The following DMD variants were observed in gnomAD, a reference collection of about 807,000 sequenced individuals.
The protein encoded by DMD is dystrophin.
DMD carries 63 observed loss-of-function variants against 330.1 expected under a neutral mutation model. That is an observed-to-expected ratio of 0.19 (90% CI 0.16 to 0.24). The LOEUF (loss-of-function observed/expected upper bound fraction) is 0.24. DMD is among the 10% of genes least tolerant of loss of function. The pLI, the probability that DMD is intolerant of heterozygous loss-of-function variation, is 1.00. For synonymous variants in DMD, 1,223 were observed against 959.8 expected (o/e 1.27, Z -5.07); for missense variants, 3,344 against 2,684.1 (o/e 1.25, Z -5.43).
chrX:31,642,351 C>T (rs1603435109), intron 54 of DMD, among the ~76,000 whole-genome samples: 1 of 111,885 alleles, frequency 8.9e-6, no homozygotes, highest in East Asian at 2.8e-4. Flanking sequence ...AAATAGAAAT[C>T]CTTTGAGTGA....
intron 44 of DMD, among the ~76,000 whole-genome samples, chrX:32,161,921 G>A (rs1434802171): frequency 8.9e-6 from 1 of 111,937 alleles, no homozygotes; most frequent in African/African-American, 3.3e-5. Flanking sequence ...TAAGTTCGGT[G>A]AAATAACTTG....
At chrX:33,061,361 T>G (rs909252334) in intron 1 of DMD, among the ~76,000 whole-genome samples, 1 of 111,998 alleles carries the variant, frequency 8.9e-6, no homozygotes, top group Admixed American at 9.6e-5. Context: ...TATGCAGATT[T>G]TAAGTGGTGG....
chrX:31,477,007 A>G (rs900611286), intron 59 of DMD, among the ~76,000 whole-genome samples: 22 of 111,639 alleles, frequency 2.0e-4, no homozygotes, highest in African/African-American at 7.2e-4. Flanking sequence ...AATAGGAAAC[A>G]GGAAAAAAAA....
intron 41 of DMD, among the ~76,000 whole-genome samples, chrX:32,312,941 C>CAAAAAAAAAAAAAAA (rs1171543953): frequency 6.3e-4 from 12 of 19,197 alleles, no homozygotes; most frequent in Non-Finnish European, 1.2e-3. Flanking sequence ...AGCCTACGAA[C>CAAAAAAAAAAAAAAA]CAAAAAAAAA....
At chrX:33,028,537 C>G (rs1228032077) in intron 1 of DMD, among the ~76,000 whole-genome samples, 1 of 111,838 alleles carries the variant, frequency 8.9e-6, no homozygotes, top group East Asian at 2.8e-4. Flanking sequence ...ACCAGGTCTG[C>G]CTTAGTCACA....
At chrX:32,858,861 A>G (rs1202635585) in intron 2 of DMD, among the ~76,000 whole-genome samples, 1 of 111,292 alleles carries the variant, frequency 9.0e-6, no homozygotes, top group Non-Finnish European at 1.9e-5. Context: ...CTATAGAATT[A>G]TAGATACTAT....
At chrX:31,703,864 T>C (rs1402647916) in intron 52 of DMD, among the ~76,000 whole-genome samples, 1 of 111,339 alleles carries the variant, frequency 9.0e-6, no homozygotes, top group Non-Finnish European at 1.9e-5. Flanking sequence ...TCATTTAACA[T>C]ACATACTATA....
chrX:31,378,156 A>G (rs1020948863), intron 60 of DMD, among the ~76,000 whole-genome samples: 1 of 111,432 alleles, frequency 9.0e-6, no homozygotes, highest in Non-Finnish European at 1.9e-5. Context: ...TGGTCTCTTC[A>G]CACGGACGCG....
chrX:31,149,832 C>G (rs757760804), intron 74 of DMD, among the ~76,000 whole-genome samples: 93 of 111,738 alleles, frequency 8.3e-4, no homozygotes, highest in African/African-American at 2.8e-3. Flanking sequence ...TAACTTAACC[C>G]ATAGTCATTT....
chrX:31,202,602 A>G (rs1288387338), intron 67 of DMD, among the ~76,000 whole-genome samples: 1 of 112,135 alleles, frequency 8.9e-6, no homozygotes, highest in Non-Finnish European at 1.9e-5. Flanking sequence ...TCTGCCCAGG[A>G]AACCTTCTAT....
intron 16 of DMD, among the ~76,000 whole-genome samples, chrX:32,558,585 C>A (rs2050591488): frequency 9.0e-6 from 1 of 111,188 alleles, no homozygotes; most frequent in Non-Finnish European, 1.9e-5. Context: ...TTTTAGCTGC[C>A]TTTCCAGTGG....
At chrX:31,282,251 T>C (rs944110906) in intron 62 of DMD, among the ~76,000 whole-genome samples, 3 of 112,059 alleles carry the variant, frequency 2.7e-5, no homozygotes, top group Non-Finnish European at 5.6e-5. Context: ...TATTTATACT[T>C]AATTGTAATC....
chrX:32,435,504 G>A (rs935531565), intron 29 of DMD, among the ~76,000 whole-genome samples: 2 of 109,135 alleles, frequency 1.8e-5, no homozygotes, highest in African/African-American at 6.6e-5. Flanking sequence ...ATGAGGAAAC[G>A]TAAGTTTAAA....
intron 45 of DMD, among the ~76,000 whole-genome samples, chrX:31,945,187 G>T (rs900298670): frequency 8.9e-6 from 1 of 112,050 alleles, no homozygotes; most frequent in African/African-American, 3.2e-5. Context: ...ACTGAGGCAA[G>T]CTCGCCTGTC....
At chrX:32,586,926 T>C (rs757599170) in intron 13 of DMD, among the ~76,000 whole-genome samples, 1 of 111,874 alleles carries the variant, frequency 8.9e-6, no homozygotes, top group South Asian at 3.7e-4. Context: ...CAAATGTTGA[T>C]GCTTAGCTTT....
At chrX:31,373,892 A>T (rs189522738) in intron 60 of DMD, among the ~76,000 whole-genome samples, 1 of 109,570 alleles carries the variant, frequency 9.1e-6, no homozygotes, top group Admixed American at 9.7e-5. Flanking sequence ...CAACCTACAA[A>T]ATGGGAGAAA....
intron 9 of DMD, among the ~76,000 whole-genome samples, chrX:32,656,994 A>G (rs1786420716): frequency 9.5e-6 from 1 of 105,130 alleles, no homozygotes; most frequent in African/African-American, 3.8e-5. Flanking sequence ...ACATACATAT[A>G]TAGTATACCA....
intron 49 of DMD, among the ~76,000 whole-genome samples, chrX:31,832,030 A>T (rs1433815610): frequency 1.8e-5 from 2 of 112,688 alleles, no homozygotes; most frequent in African/African-American, 6.4e-5. Context: ...TGGCATGGAA[A>T]TTGTGCTCAA....
At chrX:32,867,169 T>TA (rs35927892) in intron 2 of DMD, among the ~76,000 whole-genome samples, 1,596 of 102,322 alleles carry the variant, frequency 0.016, 12 homozygotes, top group East Asian at 0.05. Flanking sequence ...TTGGAGAAGT[T>TA]AAAAAAAAAA....
Sources: allele counts gnomAD v4.1 joint callset (sites outside exome capture counted in the v4.1 genomes callset), GRCh38; gene constraint gnomAD v4.1.1; transcripts MANE v1.5; gene names NCBI Gene and HGNC (gene_info 2026-07-23, HGNC 2026-07-21).